The following PLPPR4 variants were observed in gnomAD, a reference collection of about 807,000 sequenced individuals.
PLPPR4 encodes the protein phospholipid phosphatase-related protein type 4.
PLPPR4 carries 24 observed loss-of-function variants against 56.6 expected under a neutral mutation model. The ratio of observed to expected loss-of-function variants is 0.42; its 90% CI spans 0.31 to 0.60. The LOEUF is 0.60. Among genes scored for constraint, PLPPR4 ranks in the 20% least tolerant of loss-of-function variants. The pLI is 0.13. For synonymous variants in PLPPR4, 326 were observed against 328.1 expected, an observed-to-expected ratio of 0.99 and a Z score of 0.07; for missense variants, 654 against 885.8, an observed-to-expected ratio of 0.74 and a Z score of 3.32.
Position 99,299,079 on chromosome 1 carries a change from A to C in PLPPR4, c.439A>C (p.Ile147Leu). Residue 147 changes from isoleucine (I) to leucine (L), a missense_variant, in exon 4 of 7, where the codon ATC becomes CTC. Ile to Leu is a conservative substitution (Grantham distance 5). This residue lies in a region of PLPPR4 where 186 missense variants were observed against 331.4 expected (regional missense o/e 0.56). Transcript: ENST00000370185. Reference protein sequence around the residue: ...GLCSTALITDIIQLSTGYQAP... With the variant: ...GLCSTALITDLIQLSTGYQAP... The stretch of plus-strand genomic sequence containing the variant: ...ATGCTCTACAGCTCTCATTACAGAT[A>C]TCATACAGCTGTCCACAGGATATCA... The C allele has an allele frequency of 6.2e-7, 1 of 1,613,634 alleles. No individual in the cohort carries two copies. The highest frequency in any genetic ancestry group is 8.5e-7 in the Non-Finnish European group (1 of 1,179,732).
intron 1 of PLPPR4, among the ~76,000 whole-genome samples, chr1:99,269,997 T>TTG (rs10612152): frequency 0.1 from 13,909 of 134,366 alleles, 960 homozygotes; most frequent in African/African-American, 0.2. Flanking sequence ...TTCATTCCTT[T>TTG]TGTGTGTGTG....
chr1:99,282,294 CA>C, intron 1 of PLPPR4, among the ~76,000 whole-genome samples: 1 of 152,160 alleles, frequency 6.6e-6, no homozygotes, highest in African/African-American at 2.4e-5. Context: ...TATCTATGTC[CA>C]AAACCATATC....
intron 1 of PLPPR4, among the ~76,000 whole-genome samples, chr1:99,271,038 T>G (rs759863704): frequency 2.0e-5 from 3 of 152,226 alleles, no homozygotes; most frequent in Non-Finnish European, 2.9e-5. Flanking sequence ...CACCACTATC[T>G]TACTGTTTCT....
At chr1:99,302,445 A>G (rs1448710489) in intron 6 of PLPPR4, among the ~76,000 whole-genome samples, 2 of 152,072 alleles carry the variant, frequency 1.3e-5, no homozygotes, top group African/African-American at 2.4e-5. Flanking sequence ...TTTATTCAAT[A>G]TCTATTCCGT....
intron 1 of PLPPR4, among the ~76,000 whole-genome samples, chr1:99,280,251 T>C (rs929843979): frequency 3.7e-4 from 56 of 152,328 alleles, no homozygotes; most frequent in African/African-American, 1.3e-3. Context: ...GGGGGCTTTG[T>C]GGCTGTTGCA....
rs762941298 is a variant in PLPPR4, at chr1:99,306,270, G to A, written c.1408G>A (p.Gly470Arg). 4.3e-6 allele frequency: 7 copies of A among 1,614,178 alleles called. No individual in the cohort carries two copies. Among genetic ancestry groups the A allele is most frequent in the Non-Finnish European group, 5.1e-6 (6 of 1,180,018 alleles). The change falls in exon 7 of 7, where the codon GGA becomes AGA. Residue 470 changes from glycine (G) to arginine (R), a missense_variant. Physicochemically the swap from Gly to Arg is moderately radical, Grantham distance 125. Coordinates refer to ENST00000370185, the MANE Select transcript of PLPPR4 (RefSeq NM_014839.5). The surrounding 1 kb of genome is among the most constrained non-coding windows in gnomAD (Gnocchi z 4.0). Reference protein sequence around the residue: ...AVPGCNNSMPGGPRVSIQSRP... With the variant: ...AVPGCNNSMPRGPRVSIQSRP... ...CCCCGGATGTAACAACAGCATGCCT[G>A]GAGGGCCAAGAGTGTCCATTCAGTC...
intron 1 of PLPPR4, among the ~76,000 whole-genome samples, chr1:99,272,108 G>A (rs1381319868): frequency 1.3e-5 from 2 of 152,168 alleles, no homozygotes; most frequent in Non-Finnish European, 2.9e-5. Context: ...CTCAGCATAT[G>A]TATACAGCAT....
rs186588511 is a variant in PLPPR4, at chr1:99,266,284, A to T, written c.78+1613A>T. Among the ~76,000 whole-genome samples the T allele has an allele frequency of 5.1e-4, 77 of 152,338 alleles. 1 individual carries two copies. The East Asian group carries it at 0.014, about 29-fold the overall frequency. On this transcript the variant is annotated intron_variant, in intron 1 of 6. Coordinates refer to ENST00000370185, the MANE Select transcript of PLPPR4 (RefSeq NM_014839.5). Reference sequence around the variant, plus strand: ...TCTAGGAGAAATCAGTTAATGGCTGAGTTCCATCTCCAGGAAGGAACACAC... The same window carrying T: ...TCTAGGAGAAATCAGTTAATGGCTGTGTTCCATCTCCAGGAAGGAACACAC...
chr1:99,297,183 TGGAGAACAAAC>T (rs1278895018), intron 3 of PLPPR4, among the ~76,000 whole-genome samples: 2 of 152,210 alleles, frequency 1.3e-5, no homozygotes, highest in African/African-American at 4.8e-5. Context: ...TTTTTCAAAA[TGGAGAACAAAC>T]GTCAGCAGGC....
chr1:99,301,965 C>G, intron 6 of PLPPR4, 68 bp downstream of exon 6: 1 of 1,064,596 alleles, frequency 9.4e-7, no homozygotes, highest in Non-Finnish European at 1.3e-6. Context: ...ATATTTTGCA[C>G]TATAATAGCT....
rs1179743082 is a variant in PLPPR4, at chr1:99,307,912, T to C, written c.*902T>C. ...TCTCCTTAACTTATTGATTAATTTT[T>C]TGAAGTTATAGATATGTTCTCCTAT... On this transcript the variant is annotated 3_prime_UTR_variant, in exon 7 of 7. Coordinates refer to ENST00000370185, the MANE Select transcript of PLPPR4 (RefSeq NM_014839.5). 6.6e-6 allele frequency: 1 copy of C among 152,220 alleles called. No homozygotes were observed. The highest frequency in any genetic ancestry group is 1.5e-5 in the Non-Finnish European group (1 of 68,036). 9.4% of individuals were successfully genotyped at this position (152,220 alleles called of 1,614,324 possible).
Position 99,296,871 on chromosome 1 carries a change from G to A in PLPPR4, c.394+4G>A. The stretch of plus-strand genomic sequence containing the variant: ...AGACGAGCTGTCAGATTCGTTGGTG[G>A]GTGTGGGGAACCACAAAGAAAAGAA... On this transcript the variant is annotated splice_donor_region_variant and intron_variant, in intron 3 of 6. Coordinates refer to ENST00000370185, the MANE Select transcript of PLPPR4 (RefSeq NM_014839.5). 2 of 1,540,462 alleles carry A rather than the reference G, an allele frequency of 1.3e-6. No individual in the cohort carries two copies. The highest frequency in any genetic ancestry group is 1.3e-5 in the South Asian group (1 of 78,326).
chr1:99,287,236 C>A (rs1366852545), intron 1 of PLPPR4, among the ~76,000 whole-genome samples: 1 of 143,466 alleles, frequency 7.0e-6, no homozygotes, highest in Non-Finnish European at 1.5e-5. Flanking sequence ...TTTATGGGTG[C>A]ATAGTATTCC....
intron 6 of PLPPR4, among the ~76,000 whole-genome samples, chr1:99,303,349 G>A (rs1156389871): frequency 6.6e-6 from 1 of 152,096 alleles, no homozygotes; most frequent in African/African-American, 2.4e-5. Flanking sequence ...GCAGATTTGT[G>A]GGGTAAAGGG....
intron 1 of PLPPR4, 143 bp downstream of exon 1, chr1:99,264,814 C>A: frequency 1.2e-6 from 1 of 820,834 alleles, no homozygotes; most frequent in South Asian, 1.5e-5. Context: ...CCCTCTTCCC[C>A]TAGATTTCAC....
chr1:99,305,859 A>G lies in PLPPR4; in HGVS notation c.997A>G (p.Arg333Gly), dbSNP rs1409232037. 1.9e-6 allele frequency: 3 copies of G among 1,614,058 alleles called. No homozygotes were observed. The highest frequency in any genetic ancestry group is 4.5e-5 in the East Asian group (2 of 44,884). ...AGAAGGCATCCTCAACCGAAACCAC[A>G]GAGATGCTAGCTCTCTGACAAATCT... ...HTEGILNRNH[R>G]DASSLTNLKR... The change falls in exon 7 of 7, where the codon AGA becomes GGA. Residue 333 changes from arginine (R) to glycine (G), a missense_variant. Around this residue, in one of 2 missense-constraint regions of PLPPR4, gnomAD observed 468 missense variants for 554.3 expected, o/e 0.84. Coordinates refer to ENST00000370185, the MANE Select transcript of PLPPR4 (RefSeq NM_014839.5).
At chr1:99,302,366 C>T (rs1466867679) in intron 6 of PLPPR4, among the ~76,000 whole-genome samples, 1 of 151,970 alleles carries the variant, frequency 6.6e-6, no homozygotes, top group African/African-American at 2.4e-5. Flanking sequence ...AGGGAAATAT[C>T]CTCAGCATAA....
At chr1:99,305,637 T>G (rs1228925144) in intron 6 of PLPPR4, 48 bp from the exon 7 acceptor site, 1 of 1,566,014 alleles carries the variant, frequency 6.4e-7, no homozygotes, top group South Asian at 1.2e-5. Context: ...GAAACCCTAG[T>G]GACTGTCTTC....
chr1:99,287,815 G>C, intron 1 of PLPPR4, 150 bp from the exon 2 acceptor site: 1 of 621,644 alleles, frequency 1.6e-6, no homozygotes, highest in Admixed American at 3.2e-5. Flanking sequence ...TGGAATCCAT[G>C]TTGAAGGTAG....
Sources: allele counts gnomAD v4.1 joint callset (sites outside exome capture counted in the v4.1 genomes callset), GRCh38; gene constraint gnomAD v4.1.1; regional missense constraint gnomAD v4.1.1; non-coding constraint Gnocchi (gnomAD v3.1); transcripts MANE v1.5; gene names NCBI Gene and HGNC (gene_info 2026-07-23, HGNC 2026-07-21).